Variants in ZFPM1 observed in about 807,000 individuals in gnomAD.
ZFPM1 encodes the protein zinc finger protein ZFPM1.
ZFPM1 carries 28 observed loss-of-function variants against 46.3 expected under a neutral mutation model. The ratio of observed to expected loss-of-function variants is 0.60; its 90% CI spans 0.45 to 0.83. ZFPM1 has a LOEUF of 0.83. Among genes scored for constraint, ZFPM1 ranks in the 40% least tolerant of loss-of-function variants. The probability of loss-of-function intolerance (pLI) is 0.00; values close to 1 mark genes in which losing one functional copy is unlikely to be tolerated. For synonymous variants in ZFPM1, 957 were observed against 675.9 expected, an observed-to-expected ratio of 1.42 and a Z score of -6.45; for missense variants, 1,878 against 1,432.4, an observed-to-expected ratio of 1.31 and a Z score of -5.02.
At chr16:88,477,502 C>A (rs1049182034) in intron 1 of ZFPM1, among the ~76,000 whole-genome samples, 1 of 152,176 alleles carries the variant, frequency 6.6e-6, no homozygotes, top group Non-Finnish European at 1.5e-5. Context: ...GTGGCTCATG[C>A]CTGCAATCCC....
intron 1 of ZFPM1, among the ~76,000 whole-genome samples, chr16:88,461,073 CAGAA>C (rs1907832311): frequency 2.3e-5 from 2 of 85,280 alleles, no homozygotes; most frequent in Non-Finnish European, 4.4e-5. Flanking sequence ...GACCCAGGGG[CAGAA>C]GGTCTGGTGA....
In ZFPM1 at chr16:88,471,584, C is replaced by T. The variant is rs1908424062; in HGVS notation, c.41-14355C>T. ...TGGCTCCTGCTCACAGTGGGGGACGCCAGGACCCCGAGATGATCGTGGCTG... is the reference window on the plus strand; with the variant it reads ...TGGCTCCTGCTCACAGTGGGGGACGTCAGGACCCCGAGATGATCGTGGCTG... On this transcript the variant is annotated intron_variant, in intron 1 of 9. Transcript: ENST00000319555. This position sits in a 1 kb window ranked among gnomAD's most constrained non-coding sequence, Gnocchi z 4.1. Among the ~76,000 whole-genome samples the T allele has an allele frequency of 6.6e-6, 1 of 151,972 alleles. No homozygotes were observed.
chr16:88,518,044 A>G (rs1166730328), intron 4 of ZFPM1, among the ~76,000 whole-genome samples: 2 of 152,128 alleles, frequency 1.3e-5, no homozygotes, highest in Non-Finnish European at 1.5e-5. Flanking sequence ...CCCCGTCTCT[A>G]TTAAAAAAAA....
chr16:88,485,657 C>G (rs1055228993), intron 1 of ZFPM1, among the ~76,000 whole-genome samples: 1 of 152,084 alleles, frequency 6.6e-6, no homozygotes, highest in South Asian at 2.1e-4. Context: ...CCAGGCTGCT[C>G]TCAAACTCCT....
At chr16:88,473,239 G>A (rs935775832) in intron 1 of ZFPM1, among the ~76,000 whole-genome samples, 10 of 152,250 alleles carry the variant, frequency 6.6e-5, no homozygotes, top group Non-Finnish European at 1.3e-4. Context: ...CCTGGCCCCC[G>A]GGAATCTCCG....
At chr16:88,479,244 T>G (rs1253525186) in intron 1 of ZFPM1, among the ~76,000 whole-genome samples, 1 of 152,098 alleles carries the variant, frequency 6.6e-6, no homozygotes, top group Admixed American at 6.5e-5. Context: ...GACCCCACTT[T>G]GATGGCGGGG....
chr16:88,512,142 G>C (rs1293154211), intron 3 of ZFPM1, among the ~76,000 whole-genome samples: 1 of 152,264 alleles, frequency 6.6e-6, no homozygotes, highest in Non-Finnish European at 1.5e-5. Context: ...GGCTTGGCCG[G>C]CTGGCCCTGG....
In ZFPM1 at chr16:88,489,096, C is replaced by A; in HGVS notation, c.211C>A (p.Gln71Lys). Residue 71 changes from glutamine (Q) to lysine (K), a missense_variant, in exon 3 of 10, where the codon CAG (glutamine) becomes AAG (lysine). Coordinates refer to ENST00000319555, the MANE Select transcript of ZFPM1 (RefSeq NM_153813.3). Reference protein sequence around the residue: ...SPGGPKELEGQEPEPRPTEEE... With the variant: ...SPGGPKELEGKEPEPRPTEEE... ...AGGAGGCCCCAAGGAGCTGGAAGGA[C>A]AGGAACCAGAACCCAGGCCCACGGA... 1 of 1,612,978 alleles carries A rather than the reference C, an allele frequency of 6.2e-7. No homozygotes were observed. Among genetic ancestry groups the A allele is most frequent in the Non-Finnish European group, 8.5e-7 (1 of 1,179,746 alleles).
chr16:88,534,914 C>G lies in ZFPM1; in HGVS notation c.2956C>G (p.Leu986Val). Residue 986 changes from leucine (L) to valine (V), a missense_variant, in exon 10 of 10, where the codon CTG (leucine) becomes GTG (valine). Physicochemically the swap from Leu to Val is conservative, Grantham distance 32. Transcript: ENST00000319555. Reference sequence around the variant, plus strand: ...TCTTTGCAACATCAAGTTCAGCAGCCTGTCCACCTTCATCGCCCACAAGAA... The same window carrying G: ...TCTTTGCAACATCAAGTTCAGCAGCGTGTCCACCTTCATCGCCCACAAGAA... The part of the protein sequence containing the change: ...CRLCNIKFSS[L>V]STFIAHKKYY... 3 of 1,557,870 alleles carry G rather than the reference C, an allele frequency of 1.9e-6. No homozygotes were observed. The highest frequency in any genetic ancestry group is 1.4e-5 in the African/African-American group (1 of 70,938).
rs890996214 is a variant in ZFPM1, at chr16:88,501,095, G to A, written c.268+11942G>A. Among the ~76,000 whole-genome samples, 326 of 142,550 alleles carry A rather than the reference G, an allele frequency of 2.3e-3. 4 individuals carry two copies. Among genetic ancestry groups the A allele is most frequent in the African/African-American group, 9.0e-3 (313 of 34,794 alleles). 93.5% of individuals were successfully genotyped at this position (142,550 alleles called of 152,430 possible). A position where few individuals can be genotyped will look rare whatever the true frequency, so the allele number is the denominator to read the frequency against. ...TCATGGATGCGGGGGCCCTCCCGCAGGTGCTGGTGATGATGGAGATAGCAG... is the reference window on the plus strand; with the variant it reads ...TCATGGATGCGGGGGCCCTCCCGCAAGTGCTGGTGATGATGGAGATAGCAG... On this transcript the variant is annotated intron_variant, in intron 3 of 9. Transcript: ENST00000319555.
At chr16:88,525,134 G>T (rs1478144700) in intron 4 of ZFPM1, among the ~76,000 whole-genome samples, 1 of 152,232 alleles carries the variant, frequency 6.6e-6, no homozygotes, top group Non-Finnish European at 1.5e-5. Context: ...GGGCCAAGAG[G>T]CAGGGGTGGC....
At chr16:88,532,319 T>G (rs1912853556) in intron 7 of ZFPM1, 84 bp downstream of exon 7, 1 of 1,315,902 alleles carries the variant, frequency 7.6e-7, no homozygotes, top group Non-Finnish European at 1.0e-6. Context: ...AAAACCCACA[T>G]GCAAGCACAC....
At chr16:88,483,602 C>G (rs552972902) in intron 1 of ZFPM1, among the ~76,000 whole-genome samples, 5 of 152,338 alleles carry the variant, frequency 3.3e-5, no homozygotes, top group Non-Finnish European at 5.9e-5. Context: ...CACTGCACTT[C>G]CAGAACTTGC....
intron 3 of ZFPM1, among the ~76,000 whole-genome samples, chr16:88,507,315 C>T (rs748251350): frequency 2.3e-4 from 35 of 152,320 alleles, no homozygotes; most frequent in Non-Finnish European, 4.3e-4. Flanking sequence ...CACCATGTCC[C>T]CGCCTCCAGA....
chr16:88,498,496 C>A (rs1430490229), intron 3 of ZFPM1, among the ~76,000 whole-genome samples: 1 of 152,204 alleles, frequency 6.6e-6, no homozygotes, highest in African/African-American at 2.4e-5. Context: ...GTATGAGGGA[C>A]GTGCTCAGGC....
intron 4 of ZFPM1, 25 bp from the exon 5 acceptor site, chr16:88,526,789 A>T: frequency 1.4e-6 from 2 of 1,436,200 alleles, no homozygotes; most frequent in Non-Finnish European, 1.9e-6. Context: ...ACCCCTCCCC[A>T]CGTGTTCCTA....
intron 4 of ZFPM1, among the ~76,000 whole-genome samples, chr16:88,517,234 GTGGGTGGGTGGA>G (rs1364207045): frequency 4.5e-5 from 5 of 111,598 alleles, no homozygotes; most frequent in African/African-American, 1.9e-4. Context: ...GGATGGGTGG[GTGGGTGGGTGGA>G]TGGATGGATG....
At position 88,528,119 on chromosome 16, in the gene ZFPM1, C is replaced by A; in HGVS notation, c.593C>A (p.Pro198His). ...VLLTAEPHST[P>H]GHPVKKEPAE... Reference sequence around the variant, plus strand: ...CTCACGGCCGAGCCCCACAGCACCCCCGGCCACCCTGTGAAGAAGGAGCCA... The same window carrying A: ...CTCACGGCCGAGCCCCACAGCACCCACGGCCACCCTGTGAAGAAGGAGCCA... Residue 198 changes from proline to histidine, a missense_variant, in exon 6 of 10, where the codon CCC (proline) becomes CAC (histidine). Transcript: ENST00000319555. 6.3e-7 allele frequency: 1 copy of A among 1,590,916 alleles called. No individual in the cohort carries two copies. Among genetic ancestry groups the A allele is most frequent in the Non-Finnish European group, 8.5e-7 (1 of 1,170,232 alleles).
intron 4 of ZFPM1, 121 bp from the exon 5 acceptor site, chr16:88,526,693 C>A (rs1912350791): frequency 3.7e-6 from 4 of 1,088,462 alleles, no homozygotes; most frequent in Non-Finnish European, 5.3e-6. Context: ...CTGTCCACAG[C>A]TTGGCCTACC....
Sources: gnomAD v4.1 joint callset for allele counts (sites outside exome capture counted in the v4.1 genomes callset) on GRCh38, gnomAD v4.1.1 for gene constraint, Gnocchi (gnomAD v3.1) non-coding constraint, MANE v1.5 for transcripts, NCBI Gene and HGNC (gene_info 2026-07-23, HGNC 2026-07-21) for gene names.